The following CCSER1 variants were observed in gnomAD, a reference collection of about 807,000 sequenced individuals.
CCSER1 encodes the protein serine-rich coiled-coil domain-containing protein 1.
Under a neutral mutation model 82.0 loss-of-function variants are expected in CCSER1, and 41 were observed. The observed-to-expected ratio is 0.50, with a 90% CI of 0.39 to 0.65. CCSER1 has a LOEUF of 0.65. Among genes scored for constraint, CCSER1 ranks in the 30% least tolerant of loss-of-function variants. The pLI, the probability that CCSER1 is intolerant of heterozygous loss-of-function variation, is 0.00. For missense variants in CCSER1, 1,119 were observed against 1,064.2 expected, an observed-to-expected ratio of 1.05 and a Z score of -0.72; for synonymous variants, 414 against 383.9, an observed-to-expected ratio of 1.08 and a Z score of -0.92.
intron 8 of CCSER1, among the ~76,000 whole-genome samples, chr4:90,895,607 T>A (rs986874863): frequency 6.6e-6 from 1 of 151,928 alleles, no homozygotes; most frequent in Admixed American, 6.6e-5. Flanking sequence ...TATAAAATCA[T>A]TTACATTTTA....
chr4:90,948,855 G>A (rs191026713), intron 9 of CCSER1, among the ~76,000 whole-genome samples: 108 of 152,008 alleles, frequency 7.1e-4, no homozygotes, highest in African/African-American at 2.6e-3. Flanking sequence ...AAAACTTACA[G>A]TGTGTTGGGT....
chr4:91,145,224 T>C (rs1334044314), intron 10 of CCSER1, among the ~76,000 whole-genome samples: 1 of 152,128 alleles, frequency 6.6e-6, no homozygotes, highest in Admixed American at 6.6e-5. Context: ...CTTCATTGTC[T>C]TTTGTTATTG....
In CCSER1 at chr4:90,780,385, C is replaced by G. The variant is rs1420486287; in HGVS notation, c.2011-35377C>G. ...TTGATGATCCCCAAAATAATTCAAG[C>G]AAAATGCTGAGTTGGTAGAATATAA... On this transcript the variant is annotated intron_variant, in intron 7 of 10. Coordinates refer to ENST00000509176, the MANE Select transcript of CCSER1 (RefSeq NM_001145065.2). The G allele has an allele frequency of 1.2e-5, 18 of 1,555,812 alleles. 1 individual carries two copies. The South Asian group carries it at 2.1e-4, about 18-fold the overall frequency.
In CCSER1 at chr4:90,992,878, C is replaced by G. The variant is rs531382005; in HGVS notation, c.2172+69431C>G. ...CTACAATCTTATGTAACCATCTAAT[C>G]ATATACCCAAATCATATCCATTCTA... On this transcript the variant is annotated intron_variant, in intron 9 of 10. Transcript: ENST00000509176. 1.6e-4 allele frequency among the ~76,000 whole-genome samples: 24 copies of G among 152,052 alleles called. 1 individual carries two copies. In the South Asian group the frequency reaches 4.8e-3, roughly 30 times the overall value.
At chr4:90,801,861 A>G (rs1280390662) in intron 7 of CCSER1, among the ~76,000 whole-genome samples, 1 of 152,222 alleles carries the variant, frequency 6.6e-6, no homozygotes, top group Non-Finnish European at 1.5e-5. Flanking sequence ...AAACTGTAAA[A>G]AAGACTTAGA....
chr4:90,249,322 T>C (rs73832732), intron 1 of CCSER1, among the ~76,000 whole-genome samples: 5,391 of 152,236 alleles, frequency 0.035, 261 homozygotes, highest in East Asian at 0.23. Context: ...ATCAAATTGC[T>C]TATTAATAGT....
chr4:91,364,927 T>C (rs1749505167), intron 10 of CCSER1, among the ~76,000 whole-genome samples: 1 of 152,112 alleles, frequency 6.6e-6, no homozygotes, highest in Admixed American at 6.5e-5. Flanking sequence ...TATAAAGAGA[T>C]AGAGAAGGCC....
At chr4:91,524,350 T>C (rs1375799179) in intron 10 of CCSER1, among the ~76,000 whole-genome samples, 1 of 152,144 alleles carries the variant, frequency 6.6e-6, no homozygotes, top group Non-Finnish European at 1.5e-5. Flanking sequence ...TAAGTAAAAA[T>C]AAGTGAAGCT....
At chr4:91,304,609 A>G (rs77509852) in intron 10 of CCSER1, among the ~76,000 whole-genome samples, 1 of 151,996 alleles carries the variant, frequency 6.6e-6, no homozygotes, top group Non-Finnish European at 1.5e-5. Flanking sequence ...CTCTTTTATA[A>G]TGGAGGGCAG....
rs114854735 is a variant in CCSER1 at position 90,961,517 on chromosome 4, A to C, written c.2172+38070A>C. On this transcript the variant is annotated intron_variant, in intron 9 of 10. Coordinates refer to ENST00000509176, the MANE Select transcript of CCSER1 (RefSeq NM_001145065.2). Reference sequence around the variant, plus strand: ...TTAGACAAAATAGAATAATATGTTGAAAGCAAAAGAAAATGTTTCATATGA... The same window carrying C: ...TTAGACAAAATAGAATAATATGTTGCAAGCAAAAGAAAATGTTTCATATGA... 8.7e-3 allele frequency among the ~76,000 whole-genome samples: 1,319 copies of C among 152,260 alleles called. 10 individuals carry two copies. Among genetic ancestry groups the C allele is most frequent in the African/African-American group, 0.03 (1,230 of 41,560 alleles).
At chr4:91,018,098 T>G (rs1251638960) in intron 9 of CCSER1, among the ~76,000 whole-genome samples, 2 of 152,156 alleles carry the variant, frequency 1.3e-5, no homozygotes, top group South Asian at 4.1e-4. Context: ...GATTGTGTTT[T>G]TTTCTCTGGG....
intron 3 of CCSER1, among the ~76,000 whole-genome samples, chr4:90,350,225 G>A (rs1743181317): frequency 1.3e-5 from 2 of 152,058 alleles, no homozygotes; most frequent in East Asian, 3.9e-4. Flanking sequence ...AATATGAACT[G>A]AGCATTCAAA....
intron 10 of CCSER1, among the ~76,000 whole-genome samples, chr4:91,123,774 A>G (rs942582258): frequency 4.6e-5 from 7 of 151,782 alleles, no homozygotes; most frequent in African/African-American, 1.7e-4. Flanking sequence ...TTGTCACTAT[A>G]ACAATTTACA....
intron 10 of CCSER1, among the ~76,000 whole-genome samples, chr4:91,357,519 C>T (rs186317347): frequency 0.02 from 3,001 of 152,150 alleles, 89 homozygotes; most frequent in African/African-American, 0.067. Context: ...CATTTTAAAG[C>T]TTGCTTAAAC....
chr4:90,898,269 CTT>C (rs70963094), intron 8 of CCSER1, among the ~76,000 whole-genome samples: 197 of 52,414 alleles, frequency 3.8e-3, no homozygotes, highest in African/African-American at 0.014. Context: ...TTTAATCCAT[CTT>C]TTTTTTTTTT....
At chr4:90,877,568 A>G (rs938009983) in intron 8 of CCSER1, among the ~76,000 whole-genome samples, 1 of 152,100 alleles carries the variant, frequency 6.6e-6, no homozygotes, top group Admixed American at 6.6e-5. Flanking sequence ...AATTGAGTTC[A>G]TTTTTAAATG....
chr4:90,538,705 A>G (rs968127466), intron 5 of CCSER1, among the ~76,000 whole-genome samples: 5 of 152,016 alleles, frequency 3.3e-5, no homozygotes, highest in Non-Finnish European at 7.4e-5. Context: ...TTGATGGATT[A>G]TTTGCTTGTT....
At chr4:91,243,260 G>C (rs942823229) in intron 10 of CCSER1, among the ~76,000 whole-genome samples, 15 of 152,224 alleles carry the variant, frequency 9.9e-5, no homozygotes, top group Non-Finnish European at 2.2e-4. Context: ...TTCAGAACTT[G>C]AGTTTGTTGG....
At chr4:91,266,554 A>T (rs1741605490) in intron 10 of CCSER1, among the ~76,000 whole-genome samples, 1 of 152,054 alleles carries the variant, frequency 6.6e-6, no homozygotes, top group Non-Finnish European at 1.5e-5. Context: ...CCCGGCCTTA[A>T]GCTGGAATTT....
Sources: gnomAD v4.1 joint callset for allele counts (sites outside exome capture counted in the v4.1 genomes callset) on GRCh38, gnomAD v4.1.1 for gene constraint, MANE v1.5 for transcripts, NCBI Gene and HGNC (gene_info 2026-07-23, HGNC 2026-07-21) for gene names.